Variants in ABL2 observed in about 807,000 individuals in gnomAD.
ABL2 encodes tyrosine-protein kinase ABL2.
Under a neutral mutation model 107.7 loss-of-function variants are expected in ABL2, and 49 were observed. The observed-to-expected ratio is 0.45, with a 90% CI of 0.36 to 0.58. The LOEUF (loss-of-function observed/expected upper bound fraction) is 0.58, where lower values mean the gene tolerates loss of function less well. Ranked by LOEUF, ABL2 falls within the 20% of genes least tolerant of loss-of-function variation. The pLI is 0.00. For synonymous variants in ABL2, 549 were observed against 548.6 expected (o/e 1.00, Z -0.01); for missense variants, 1,245 against 1,457.0 (o/e 0.85, Z 2.37).
rs989636470 is a variant in ABL2 at position 179,134,275 on chromosome 1, G to A, written c.158-901C>T. 4.8e-4 allele frequency among the ~76,000 whole-genome samples: 73 copies of A among 152,140 alleles called. 1 individual carries two copies. Among genetic ancestry groups the A allele is most frequent in the Non-Finnish European group, 2.8e-4 (19 of 68,016 alleles). The stretch of plus-strand genomic sequence containing the variant: ...TTAAAAATTGGCTTCAGCCAGGCAC[G>A]GTGGCTCAGGCCTGTAATCCCAGCA... On this transcript the variant is annotated intron_variant, in intron 1 of 11. Transcript: ENST00000502732.
rs939025700 is a variant in ABL2 at position 179,099,935 on chromosome 1, G to A, written c.*7783C>T. On this transcript the variant is annotated 3_prime_UTR_variant, in exon 12 of 12. Coordinates refer to ENST00000502732, the MANE Select transcript of ABL2 (RefSeq NM_007314.4). The stretch of plus-strand genomic sequence containing the variant: ...TGTTCACAGTCAACACACCAACCAC[G>A]CCACTGCTGTTCATCCAAGGAAAGA... The A allele has an allele frequency of 8.6e-6, 2 of 232,278 alleles. No homozygotes were observed. Among genetic ancestry groups the A allele is most frequent in the Non-Finnish European group, 1.7e-5 (2 of 117,558 alleles). The allele number at this position is 232,278 out of a possible 1,614,324, so 14.4% of individuals were successfully genotyped here.
At chr1:179,112,948 T>C (rs1654236842) in intron 9 of ABL2, among the ~76,000 whole-genome samples, 1 of 152,180 alleles carries the variant, frequency 6.6e-6, no homozygotes, top group Non-Finnish European at 1.5e-5. Flanking sequence ...AGACAGGGGT[T>C]TCGCCATGTT....
intron 9 of ABL2, 152 bp from the exon 10 acceptor site, chr1:179,112,550 C>T (rs1304563618): frequency 1.8e-6 from 1 of 569,612 alleles, no homozygotes; most frequent in Non-Finnish European, 3.1e-6. Context: ...CACTTCTCAG[C>T]TCTAGACTCA....
In ABL2 at chr1:179,120,245, C is replaced by G; in HGVS notation, c.990G>C (p.Leu330=). ...TTTCCTTCATTACTGCAGCTTCTTT[C>G]AGGAATTCTTCTACCTCCATGGTAT... ...KEDTMEVEEF[L]KEAAVMKEIK... is the part of the protein sequence containing the mutation. The change falls in exon 6 of 12, where the codon CTG becomes CTC. Residue 330 remains leucine, a synonymous_variant. Transcript: ENST00000502732. 1 of 1,607,178 alleles carries G rather than the reference C, an allele frequency of 6.2e-7. No individual in the cohort carries two copies. Among genetic ancestry groups the G allele is most frequent in the South Asian group, 1.1e-5 (1 of 90,028 alleles).
intron 1 of ABL2, among the ~76,000 whole-genome samples, chr1:179,226,105 C>A (rs12122267): frequency 0.094 from 13,928 of 148,960 alleles, 707 homozygotes; most frequent in African/African-American, 0.12. Context: ...CTTTTTAAAC[C>A]CATCTGTCTA....
intron 1 of ABL2, among the ~76,000 whole-genome samples, chr1:179,175,005 ATCTTTTAGTG>A (rs1156245614): frequency 1.3e-5 from 2 of 151,376 alleles, no homozygotes; most frequent in African/African-American, 4.8e-5. Context: ...TTATCCCCTG[ATCTTTTAGTG>A]TCTTTCCCCC....
In ABL2 at chr1:179,126,792, C is replaced by A. The variant is rs1449025961; in HGVS notation, c.392-120G>T. 3.6e-6 allele frequency: 4 copies of A among 1,117,620 alleles called. No homozygotes were observed. Among genetic ancestry groups the A allele is most frequent in the East Asian group, 2.6e-5 (1 of 38,222 alleles). 69.2% of individuals were successfully genotyped at this position (1,117,620 alleles called of 1,614,324 possible). A position where few individuals can be genotyped will look rare whatever the true frequency, so the allele number is the denominator to read the frequency against. ...AAAAAAGAATCTAGAACTTTTATGCCAAATTTTTTTTTTAAATAATGAAAA... is the reference window on the plus strand; with the variant it reads ...AAAAAAGAATCTAGAACTTTTATGCAAAATTTTTTTTTTAAATAATGAAAA... On this transcript the variant is annotated intron_variant, in intron 3 of 11. Transcript: ENST00000502732. This position sits in a 1 kb window ranked among gnomAD's most constrained non-coding sequence, Gnocchi z 4.4.
Position 179,225,690 on chromosome 1 carries a change from A to T in ABL2, c.157+3551T>A, listed in dbSNP as rs550105046. Among the ~76,000 whole-genome samples the T allele has an allele frequency of 7.2e-5, 11 of 152,266 alleles. No homozygotes were observed. In the South Asian group the frequency reaches 1.9e-3, roughly 26 times the overall value. ...TGCTAAACATCCTACAATGCACAGG[A>T]CAGCCCCCCAAAACACAGAATTAGC... On this transcript the variant is annotated intron_variant, in intron 1 of 11. Coordinates refer to ENST00000502732, the MANE Select transcript of ABL2 (RefSeq NM_007314.4).
Position 179,165,622 on chromosome 1 carries a change from A to C in ABL2, c.158-32248T>G, listed in dbSNP as rs181480481. Among the ~76,000 whole-genome samples the C allele has an allele frequency of 4.7e-3, 716 of 152,256 alleles. 7 individuals are homozygous for C. Among genetic ancestry groups the C allele is most frequent in the African/African-American group, 0.016 (685 of 41,546 alleles). On this transcript the variant is annotated intron_variant, in intron 1 of 11. Coordinates refer to ENST00000502732, the MANE Select transcript of ABL2 (RefSeq NM_007314.4). Reference sequence around the variant, plus strand: ...GGCATTGAGAAGCCATTAACATAACAGTAACAATTTACAAGAGTGCTTCTT... The same window carrying C: ...GGCATTGAGAAGCCATTAACATAACCGTAACAATTTACAAGAGTGCTTCTT...
chr1:179,220,812 T>TG (rs1243575056), intron 1 of ABL2: 3 of 156,348 alleles, frequency 1.9e-5, no homozygotes, highest in Non-Finnish European at 4.3e-5. Flanking sequence ...AAGAAGAACT[T>TG]GCAGTTCGCA....
intron 1 of ABL2, among the ~76,000 whole-genome samples, chr1:179,210,889 T>A (rs1662236631): frequency 6.6e-6 from 1 of 151,576 alleles, no homozygotes; most frequent in African/African-American, 2.4e-5. Flanking sequence ...ATAAAAATAT[T>A]TCATATACTG....
Position 179,224,429 on chromosome 1 carries a change from G to C in ABL2, c.157+4812C>G, listed in dbSNP as rs911945301. On this transcript the variant is annotated intron_variant, in intron 1 of 11. Transcript: ENST00000502732. Reference sequence around the variant, plus strand: ...CTATAGGTGCCCGCCACCACACCTGGCTAATTTTTGTATTTTTTTAGTAGA... The same window carrying C: ...CTATAGGTGCCCGCCACCACACCTGCCTAATTTTTGTATTTTTTTAGTAGA... Among the ~76,000 whole-genome samples the C allele has an allele frequency of 2.0e-5, 3 of 151,886 alleles. No individual in the cohort carries two copies. The South Asian group carries it at 6.2e-4, about 32-fold the overall frequency.
At chr1:179,219,402 GA>G (rs199868718) in intron 1 of ABL2, among the ~76,000 whole-genome samples, 1 of 148,746 alleles carries the variant, frequency 6.7e-6, no homozygotes. Flanking sequence ...CAGAGAAGAA[GA>G]AAAAAAAAGG....
intron 1 of ABL2, among the ~76,000 whole-genome samples, chr1:179,137,303 C>A (rs1174561068): frequency 6.6e-6 from 1 of 152,026 alleles, no homozygotes; most frequent in Non-Finnish European, 1.5e-5. Context: ...TCTACTCTAG[C>A]AGAATTTCCA....
rs1200431709 is a variant in ABL2 at position 179,102,281 on chromosome 1, GATT to G, written c.*5434_*5436del. Reference sequence around the variant, plus strand: ...CCGCCTCAGCCCCCCAAAGTGCTGGGATTACAGGCGTGAGCCACCGCACCCGGC... The same window carrying G: ...CCGCCTCAGCCCCCCAAAGTGCTGGGACAGGCGTGAGCCACCGCACCCGGC... On this transcript the variant is annotated 3_prime_UTR_variant, in exon 12 of 12. Coordinates refer to ENST00000502732, the MANE Select transcript of ABL2 (RefSeq NM_007314.4). The G allele has an allele frequency of 5.5e-6, 1 of 182,024 alleles. No individual in the cohort carries two copies. The highest frequency in any genetic ancestry group is 2.4e-5 in the African/African-American group (1 of 42,434). The allele number at this position is 182,024 out of a possible 1,614,324, so 11.3% of individuals were successfully genotyped here. A position where few individuals can be genotyped will look rare whatever the true frequency, so the allele number is the denominator to read the frequency against.
intron 1 of ABL2, among the ~76,000 whole-genome samples, chr1:179,161,505 T>C (rs989845417): frequency 6.6e-6 from 1 of 151,584 alleles, no homozygotes; most frequent in African/African-American, 2.4e-5. Flanking sequence ...ATCTCTGGAG[T>C]TTATGATCAG....
intron 3 of ABL2, among the ~76,000 whole-genome samples, chr1:179,128,012 G>T (rs910813229): frequency 4.1e-5 from 6 of 144,896 alleles, no homozygotes; most frequent in Non-Finnish European, 9.0e-5. Flanking sequence ...TCCAGCCTGG[G>T]AGACAGAGTG....
chr1:179,175,746 A>T (rs141748952), intron 1 of ABL2, among the ~76,000 whole-genome samples: 2 of 152,218 alleles, frequency 1.3e-5, no homozygotes, highest in Non-Finnish European at 2.9e-5. Flanking sequence ...ATGTGAGCTC[A>T]TGCCCTAGGC....
chr1:179,124,464 C>CATTTT (rs1553218292), intron 4 of ABL2, among the ~76,000 whole-genome samples: 1 of 83,350 alleles, frequency 1.2e-5, no homozygotes. Flanking sequence ...TTAGCTTCTG[C>CATTTT]TTTTTTTTTT....
Sources: allele counts gnomAD v4.1 joint callset (sites outside exome capture counted in the v4.1 genomes callset), GRCh38; gene constraint gnomAD v4.1.1; non-coding constraint Gnocchi (gnomAD v3.1); transcripts MANE v1.5; gene names NCBI Gene and HGNC (gene_info 2026-07-23, HGNC 2026-07-21).